ARHGEF4: variants seen among roughly 807,000 people sequenced by gnomAD.
The protein encoded by ARHGEF4 is APC-stimulated guanine nucleotide exchange factor 1.
Under a neutral mutation model 162.0 loss-of-function variants are expected in ARHGEF4, and 119 were observed. That is an observed-to-expected ratio of 0.73 (90% CI 0.63 to 0.86). The LOEUF is 0.86. ARHGEF4 is among the 40% of genes least tolerant of loss of function. The probability of loss-of-function intolerance (pLI) is 0.00; values close to 1 mark genes in which losing one functional copy is unlikely to be tolerated. For synonymous variants in ARHGEF4, 1,014 were observed against 979.9 expected (o/e 1.03, Z -0.65); for missense variants, 2,488 against 2,456.0 (o/e 1.01, Z -0.28).
At chr2:130,963,114 C>T (rs1028353901) in intron 4 of ARHGEF4, among the ~76,000 whole-genome samples, 1 of 152,244 alleles carries the variant, frequency 6.6e-6, no homozygotes, top group Non-Finnish European at 1.5e-5. Flanking sequence ...TTGCAGTGGG[C>T]CTCGTGGCCC....
chr2:130,841,641 A>T (rs527978808), intron 1 of ARHGEF4, among the ~76,000 whole-genome samples: 1 of 152,234 alleles, frequency 6.6e-6, no homozygotes, highest in East Asian at 1.9e-4. Flanking sequence ...ATAGAGAACG[A>T]TGTCTGTGGC....
intron 1 of ARHGEF4, 68 bp from the exon 2 acceptor site, chr2:130,913,918 C>A: frequency 1.3e-6 from 2 of 1,512,626 alleles, no homozygotes; most frequent in South Asian, 1.2e-5. Context: ...CAAAGGCAGG[C>A]ACGGTGTAAA....
chr2:130,932,799 T>C (rs1358281556), intron 3 of ARHGEF4, among the ~76,000 whole-genome samples: 1 of 152,198 alleles, frequency 6.6e-6, no homozygotes, highest in African/African-American at 2.4e-5. Flanking sequence ...TGATTTAATT[T>C]TTGTATGGTA....
At position 130,916,333 on chromosome 2, in the gene ARHGEF4, A is replaced by C. The variant is rs1208675663; in HGVS notation, c.2387A>C (p.Lys796Thr). ...CCTGGGAAGCGCCCGACGTTTTCCA[A>C]GGTGACCTCCTTCAGGAAGGGCAGG... ...QEPGKRPTFS[K>T]VTSFRKGRPL... The change falls in exon 2 of 14, where the codon AAG (lysine) becomes ACG (threonine). Residue 796 changes from lysine to threonine, a missense_variant. Lys to Thr is a moderately conservative substitution (Grantham distance 78, BLOSUM62 -1). Around this residue, in one of 6 missense-constraint regions of ARHGEF4, gnomAD observed 1,642 missense variants for 1,481.5 expected, o/e 1.11. Transcript: ENST00000409359. 1.3e-6 allele frequency: 2 copies of C among 1,543,014 alleles called. No homozygotes were observed. Among genetic ancestry groups the C allele is most frequent in the Non-Finnish European group, 1.7e-6 (2 of 1,145,206 alleles).
At chr2:131,015,852 G>C (rs558487231) in intron 4 of ARHGEF4, among the ~76,000 whole-genome samples, 21 of 152,360 alleles carry the variant, frequency 1.4e-4, no homozygotes, top group African/African-American at 4.8e-4. Flanking sequence ...TCTGTAGAAT[G>C]GACACATCAT....
chr2:130,889,680 C>T (rs1435733341), intron 1 of ARHGEF4, among the ~76,000 whole-genome samples: 3 of 150,200 alleles, frequency 2.0e-5, no homozygotes, highest in South Asian at 2.1e-4. Context: ...GGTGTAGTGG[C>T]GGGCATCTGT....
At chr2:130,957,686 T>C (rs1315718545) in intron 4 of ARHGEF4, among the ~76,000 whole-genome samples, 5 of 152,070 alleles carry the variant, frequency 3.3e-5, no homozygotes, top group Non-Finnish European at 7.4e-5. Flanking sequence ...TGGGAGGTAA[T>C]TAGATCATGA....
intron 1 of ARHGEF4, among the ~76,000 whole-genome samples, chr2:130,889,835 A>C (rs1679751860): frequency 6.6e-6 from 1 of 150,408 alleles, no homozygotes; most frequent in African/African-American, 2.4e-5. Flanking sequence ...AAAAAAAAGT[A>C]CTTGCTATTG....
rs1416972035 is a variant in ARHGEF4, at chr2:130,917,030, G to C, written c.3084G>C (p.Pro1028=). Residue 1028 remains proline, a synonymous_variant, in exon 2 of 14, where the codon CCG becomes CCC. Transcript: ENST00000409359. The part of the protein sequence containing the change: ...VSPEHRRKSE[P]TIKCTATQEG... ...CAGAACACAGGAGGAAAAGTGAACC[G>C]ACCATCAAGTGCACAGCCACCCAGG... is the stretch of plus-strand genomic sequence containing the variant. The C allele has an allele frequency of 1.9e-6, 3 of 1,550,756 alleles. No homozygotes were observed. Among genetic ancestry groups the C allele is most frequent in the Non-Finnish European group, 2.6e-6 (3 of 1,147,082 alleles).
intron 4 of ARHGEF4, among the ~76,000 whole-genome samples, chr2:130,993,888 A>G (rs1268030841): frequency 6.6e-6 from 1 of 152,080 alleles, no homozygotes; most frequent in Non-Finnish European, 1.5e-5. Flanking sequence ...GGTTCAAGCA[A>G]TTCTCCTGCC....
intron 1 of ARHGEF4, among the ~76,000 whole-genome samples, chr2:130,853,091 G>C (rs1195996662): frequency 2.0e-5 from 3 of 152,198 alleles, no homozygotes; most frequent in Non-Finnish European, 4.4e-5. Context: ...GTCCCAGGGG[G>C]CTGTTTCTCA....
rs70994731 is a variant in ARHGEF4, at chr2:131,007,800, C to CTTTTTTTTTTTTTTTT, written c.3986-20132_3986-20117dup. 1.1e-4 allele frequency among the ~76,000 whole-genome samples: 6 copies of CTTTTTTTTTTTTTTTT among 55,918 alleles called. 1 individual carries two copies. In the East Asian group the frequency reaches 1.7e-3, roughly 16 times the overall value. The allele number at this position is 55,918 out of a possible 152,430, so 36.7% of individuals were successfully genotyped here. A position where few individuals can be genotyped will look rare whatever the true frequency, so the allele number is the denominator to read the frequency against. On this transcript the variant is annotated intron_variant, in intron 4 of 13. Transcript: ENST00000409359. The stretch of plus-strand genomic sequence containing the variant: ...TAAAGCTAAATTATTCTTTTCTTTT[C>CTTTTTTTTTTTTTTTT]TTTTTTTTTTTTTTTTTTTTTTTTT...
chr2:131,004,516 T>G (rs1392525196), intron 4 of ARHGEF4, among the ~76,000 whole-genome samples: 1 of 152,164 alleles, frequency 6.6e-6, no homozygotes, highest in Non-Finnish European at 1.5e-5. Context: ...TAATTGTCTT[T>G]TCCTCAAAGT....
chr2:130,883,232 T>C (rs1679306217), intron 1 of ARHGEF4, among the ~76,000 whole-genome samples: 2 of 152,086 alleles, frequency 1.3e-5, no homozygotes, highest in Admixed American at 6.5e-5. Context: ...CACACCAGAC[T>C]TAAGAGGGTG....
At chr2:130,880,273 G>A (rs577680442) in intron 1 of ARHGEF4, among the ~76,000 whole-genome samples, 7 of 152,268 alleles carry the variant, frequency 4.6e-5, no homozygotes, top group East Asian at 1.9e-4. Flanking sequence ...TGTCATTACC[G>A]ATGTTACCCA....
intron 2 of ARHGEF4, among the ~76,000 whole-genome samples, chr2:130,920,905 C>A (rs1681833221): frequency 6.6e-6 from 1 of 152,172 alleles, no homozygotes; most frequent in Non-Finnish European, 1.5e-5. Flanking sequence ...AGAAGACTTA[C>A]AGAACAGCAT....
At chr2:130,871,556 C>CAT (rs909683276) in intron 1 of ARHGEF4, among the ~76,000 whole-genome samples, 38 of 146,104 alleles carry the variant, frequency 2.6e-4, no homozygotes, top group Admixed American at 6.2e-4. Context: ...TATATATATA[C>CAT]ATATATATAT....
chr2:130,988,932 A>AGAGG (rs1553437071), intron 4 of ARHGEF4, among the ~76,000 whole-genome samples: 3 of 148,458 alleles, frequency 2.0e-5, no homozygotes, highest in African/African-American at 7.6e-5. Context: ...AGAGAGAGAG[A>AGAGG]GAGAAAGATT....
At chr2:130,917,862 G>A (rs1482757838) in intron 2 of ARHGEF4, among the ~76,000 whole-genome samples, 2 of 126,422 alleles carry the variant, frequency 1.6e-5, no homozygotes, top group Non-Finnish European at 3.1e-5. Context: ...TCGCTCTGTC[G>A]CCCAGGCTGG....
Sources: allele counts gnomAD v4.1 joint callset (sites outside exome capture counted in the v4.1 genomes callset), GRCh38; gene constraint gnomAD v4.1.1; regional missense constraint gnomAD v4.1.1; transcripts MANE v1.5; gene names NCBI Gene and HGNC (gene_info 2026-07-23, HGNC 2026-07-21).